Variants in MYO16 observed in about 807,000 individuals in gnomAD.
MYO16 encodes unconventional myosin-XVI.
MYO16 carries 94 observed loss-of-function variants against 205.3 expected under a neutral mutation model. The ratio of observed to expected loss-of-function variants is 0.46; its 90% CI spans 0.39 to 0.54. The LOEUF is 0.54. MYO16 is among the 20% of genes least tolerant of loss of function. The probability of loss-of-function intolerance (pLI) is 0.00; values close to 1 mark genes in which losing one functional copy is unlikely to be tolerated. For synonymous variants in MYO16, 988 were observed against 954.0 expected (o/e 1.04, Z -0.66); for missense variants, 2,315 against 2,387.5 (o/e 0.97, Z 0.63).
intron 14 of MYO16, among the ~76,000 whole-genome samples, chr13:108,891,237 A>T (rs1880159079): frequency 6.6e-6 from 1 of 152,132 alleles, no homozygotes; most frequent in Non-Finnish European, 1.5e-5. Context: ...GTGTTTCCTT[A>T]TATGTGATTT....
chr13:108,911,835 TGAAGGTA>T (rs1881282489), intron 16 of MYO16, among the ~76,000 whole-genome samples: 1 of 152,184 alleles, frequency 6.6e-6, no homozygotes, highest in South Asian at 2.1e-4. Flanking sequence ...GGTTATGCTC[TGAAGGTA>T]GGAAGGTCAG....
chr13:108,638,216 A>G (rs1214421624), intron 1 of MYO16, among the ~76,000 whole-genome samples: 1 of 152,188 alleles, frequency 6.6e-6, no homozygotes, highest in Non-Finnish European at 1.5e-5. Flanking sequence ...GCAAGTTCGA[A>G]GACCCTGAGG....
At chr13:108,971,349 TTATATATATATATA>T (rs60564701) in intron 20 of MYO16, among the ~76,000 whole-genome samples, 1 of 144,272 alleles carries the variant, frequency 6.9e-6, no homozygotes, top group African/African-American at 2.6e-5. Context: ...TGTGTGTTGA[TTATATATATATATA>T]TATATATATA....
chr13:108,531,404 C>T, the MYO16 span, among the ~76,000 whole-genome samples: 1 of 152,098 alleles, frequency 6.6e-6, no homozygotes, highest in Admixed American at 6.6e-5. Flanking sequence ...GAGTGCTTTG[C>T]TGACTAGGTG....
At chr13:109,112,469 T>C (rs1889319157) in intron 28 of MYO16, among the ~76,000 whole-genome samples, 2 of 152,168 alleles carry the variant, frequency 1.3e-5, no homozygotes, top group African/African-American at 4.8e-5. Context: ...GATTTAATTT[T>C]TGATGGCCGG....
intron 16 of MYO16, among the ~76,000 whole-genome samples, chr13:108,937,060 A>G (rs1481297287): frequency 2.6e-5 from 4 of 152,168 alleles, no homozygotes. Context: ...AATTCCCTTA[A>G]TGCTTGCTTG....
At chr13:108,675,803 T>C (rs1882178521) in intron 2 of MYO16, among the ~76,000 whole-genome samples, 1 of 152,182 alleles carries the variant, frequency 6.6e-6, no homozygotes, top group Admixed American at 6.5e-5. Flanking sequence ...AGAAGCAGCA[T>C]TACTTAGGTT....
At chr13:108,558,808 T>A in the MYO16 span, among the ~76,000 whole-genome samples, 1 of 152,188 alleles carries the variant, frequency 6.6e-6, no homozygotes, top group African/African-American at 2.4e-5. Context: ...AGGTGTAATA[T>A]CCCATCCTTG....
intron 23 of MYO16, among the ~76,000 whole-genome samples, chr13:109,045,131 C>A (rs1886999788): frequency 6.6e-6 from 1 of 152,214 alleles, no homozygotes; most frequent in African/African-American, 2.4e-5. Context: ...GTGTTGACTT[C>A]TCCATGGTTT....
At chr13:108,501,276 TC>T in the MYO16 span, among the ~76,000 whole-genome samples, 11 of 152,120 alleles carry the variant, frequency 7.2e-5, no homozygotes, top group East Asian at 9.6e-4. Flanking sequence ...AAAGCGAGCT[TC>T]CCTAGAGGCA....
intron 31 of MYO16, among the ~76,000 whole-genome samples, chr13:109,130,055 T>C (rs889823274): frequency 1.3e-5 from 2 of 148,574 alleles, no homozygotes; most frequent in East Asian, 2.0e-4. Flanking sequence ...CACACACACA[T>C]ATGTATATAT....
At chr13:108,558,080 A>G in the MYO16 span, among the ~76,000 whole-genome samples, 1 of 152,230 alleles carries the variant, frequency 6.6e-6, no homozygotes, top group Non-Finnish European at 1.5e-5. Flanking sequence ...TAAAAATTTT[A>G]GGAGCCTTAC....
chr13:108,962,050 C>G (rs1196683788), intron 18 of MYO16, among the ~76,000 whole-genome samples: 2 of 152,192 alleles, frequency 1.3e-5, no homozygotes, highest in Non-Finnish European at 2.9e-5. Context: ...TTTGAAGTTG[C>G]CTCGTTAGTC....
At chr13:108,569,503 A>C in the MYO16 span, among the ~76,000 whole-genome samples, 1 of 152,090 alleles carries the variant, frequency 6.6e-6, no homozygotes, top group African/African-American at 2.4e-5. Flanking sequence ...TGAGCTGGTA[A>C]TTTACAAACT....
chr13:108,976,409 A>C (rs1024900885), intron 20 of MYO16, among the ~76,000 whole-genome samples: 26 of 152,292 alleles, frequency 1.7e-4, no homozygotes, highest in African/African-American at 6.0e-4. Flanking sequence ...GGGATTGAAC[A>C]CAGATAAATG....
Position 109,009,057 on chromosome 13 carries a change from T to C in MYO16, c.2595+8T>C, listed in dbSNP as rs1005238980. ...TTGGACTTTTTTTTCCAGGTATTCA[T>C]ATAATATAATTAGATACTTAACAGG... On this transcript the variant is annotated splice_region_variant and intron_variant, in intron 22 of 34. Transcript: ENST00000457511. 6.4e-7 allele frequency: 1 copy of C among 1,574,450 alleles called. No homozygotes were observed. Among genetic ancestry groups the C allele is most frequent in the African/African-American group, 1.4e-5 (1 of 72,992 alleles).
chr13:108,823,162 G>A lies in MYO16; in HGVS notation c.981G>A (p.Leu327=), dbSNP rs1181545129. 5.6e-6 allele frequency: 9 copies of A among 1,612,124 alleles called. No individual in the cohort carries two copies. The highest frequency in any genetic ancestry group is 2.7e-5 in the African/African-American group (2 of 74,836). The change falls in exon 9 of 35, where the codon CTG becomes CTA. Residue 327 remains leucine, a synonymous_variant. Coordinates refer to ENST00000457511, the MANE Select transcript of MYO16 (RefSeq NM_001198950.3). ...AASEFIEEML[L]KAEIAWEEKM... ...CTGAGTTTATTGAGGAAATGCTGCT[G>A]AAAGCCGAAATTGCCTGGGAAGAAA...
At chr13:108,833,935 T>A (rs1876759223) in intron 9 of MYO16, among the ~76,000 whole-genome samples, 1 of 152,176 alleles carries the variant, frequency 6.6e-6, no homozygotes, top group South Asian at 2.1e-4. Flanking sequence ...AAATATACTC[T>A]CTCATTTCCA....
At chr13:108,673,013 CAT>C (rs746639856) in intron 2 of MYO16, among the ~76,000 whole-genome samples, 2 of 152,228 alleles carry the variant, frequency 1.3e-5, no homozygotes, top group East Asian at 3.9e-4. Flanking sequence ...CTTTCAATAA[CAT>C]ATGTAGTAGG....
Sources: allele counts gnomAD v4.1 joint callset (sites outside exome capture counted in the v4.1 genomes callset), GRCh38; gene constraint gnomAD v4.1.1; transcripts MANE v1.5; gene names NCBI Gene and HGNC (gene_info 2026-07-23, HGNC 2026-07-21).